CECR2: variants seen among roughly 807,000 people sequenced by gnomAD.
The protein encoded by CECR2 is CECR2 histone acetyl-lysine reader.
A neutral mutation model predicts 154.5 loss-of-function variants in CECR2; 30 were observed. The ratio of observed to expected loss-of-function variants is 0.19; its 90% CI spans 0.15 to 0.26. The LOEUF is 0.26. CECR2 is among the 10% of genes least tolerant of loss of function. The probability of loss-of-function intolerance (pLI) is 1.00; values close to 1 mark genes in which losing one functional copy is unlikely to be tolerated. For synonymous variants in CECR2, 725 were observed against 683.7 expected (o/e 1.06, Z -0.94); for missense variants, 1,743 against 1,829.3 (o/e 0.95, Z 0.86).
intron 1 of CECR2, among the ~76,000 whole-genome samples, chr22:17,428,826 G>GTGTGTGTGTGTGTATATATA (rs369291932): frequency 1.3e-5 from 2 of 150,594 alleles, no homozygotes; most frequent in African/African-American, 4.9e-5. Context: ...GTGTGTGTGT[G>GTGTGTGTGTGTGTATATATA]TATATAAAGG....
At chr22:17,418,107 A>G (rs188272434) in intron 1 of CECR2, among the ~76,000 whole-genome samples, 1 of 152,238 alleles carries the variant, frequency 6.6e-6, no homozygotes, top group Admixed American at 6.5e-5. Context: ...CACCCCCCAA[A>G]AAATATAAAT....
intron 7 of CECR2, among the ~76,000 whole-genome samples, chr22:17,505,505 A>AT: frequency 7.2e-6 from 1 of 139,236 alleles, no homozygotes; most frequent in Admixed American, 7.4e-5. Context: ...TACTTCATGC[A>AT]TTTTCAAACA....
chr22:17,526,810 A>C (rs2056273262), intron 9 of CECR2, among the ~76,000 whole-genome samples: 1 of 106,824 alleles, frequency 9.4e-6, no homozygotes, highest in African/African-American at 2.9e-5. Flanking sequence ...CTCCATCTCA[A>C]AAAAAAAAAA....
Position 17,500,735 on chromosome 22 carries a change from G to T in CECR2, c.650G>T (p.Ser217Ile). 1 of 1,542,998 alleles carries T rather than the reference G, an allele frequency of 6.5e-7. No individual in the cohort carries two copies. Among genetic ancestry groups the T allele is most frequent in the Non-Finnish European group, 8.8e-7 (1 of 1,141,910 alleles). Residue 217 changes from serine to isoleucine, a missense_variant and splice_region_variant, in exon 5 of 19, where the codon AGT becomes ATT. Physicochemically the swap from Ser to Ile is moderately radical, Grantham distance 142. Coordinates refer to ENST00000262608, the MANE Select transcript of CECR2 (RefSeq NM_001290047.2). Reference protein sequence around the residue: ...RKKLQEEILLSEKQEENSLAS... With the variant: ...RKKLQEEILLIEKQEENSLAS... ...AAACTGCAGGAGGAGATTCTGTTGA[G>T]GTAAGAAAATCTTGTTAGTTGTGGT...
chr22:17,524,148 CAA>C lies in CECR2; in HGVS notation c.988_989del (p.Lys330AlafsTer81). On this transcript the variant is annotated frameshift_variant, in exon 9 of 19. Transcript: ENST00000262608. LOFTEE classifies it high-confidence loss of function. The part of the protein sequence containing the change: ...ETPVLTRIEK[Q>X]KRKEEEEERQ... The stretch of plus-strand genomic sequence containing the variant: ...TCCTGTGCTGACCAGAATAGAAAAA[CAA>C]AAGCGCAAAGAGGAGGAAGAAGAGC... 1 of 1,599,428 alleles carries C rather than the reference CAA, an allele frequency of 6.3e-7. No individual in the cohort carries two copies. The highest frequency in any genetic ancestry group is 8.5e-7 in the Non-Finnish European group (1 of 1,173,072).
At position 17,548,155 on chromosome 22, in the gene CECR2, G is replaced by A. The variant is rs975989657; in HGVS notation, c.2868G>A (p.Pro956=). The part of the protein sequence containing the change: ...AQEPENDQAE[P]LPGLEEKPPG... ...TTTTTTTTTTTTTTGCAGCAGAGCC[G>A]TTGCCTGGCCTTGAAGAGAAACCAC... The change falls in exon 17 of 19, where the codon CCG becomes CCA. Residue 956 remains proline, a synonymous_variant. Transcript: ENST00000262608. The A allele has an allele frequency of 2.1e-5, 32 of 1,505,112 alleles. No individual in the cohort carries two copies. Among genetic ancestry groups the A allele is most frequent in the South Asian group, 1.9e-4 (15 of 77,822 alleles). 93.2% of individuals were successfully genotyped at this position (1,505,112 alleles called of 1,614,324 possible).
intron 1 of CECR2, among the ~76,000 whole-genome samples, chr22:17,427,663 C>T (rs1266691044): frequency 6.6e-6 from 1 of 152,108 alleles, no homozygotes; most frequent in African/African-American, 2.4e-5. Flanking sequence ...AAGAACAAAG[C>T]TTCCACAGTG....
intron 13 of CECR2, among the ~76,000 whole-genome samples, chr22:17,539,594 A>G (rs1490424052): frequency 6.6e-6 from 1 of 152,152 alleles, no homozygotes; most frequent in Non-Finnish European, 1.5e-5. Flanking sequence ...GCAGCACACC[A>G]GCATGGCACA....
At chr22:17,460,625 T>G (rs1302168911) in intron 1 of CECR2, among the ~76,000 whole-genome samples, 1 of 152,164 alleles carries the variant, frequency 6.6e-6, no homozygotes, top group Non-Finnish European at 1.5e-5. Context: ...AGTTTTCTCT[T>G]CCCCTCTCAT....
intron 1 of CECR2, among the ~76,000 whole-genome samples, chr22:17,462,481 G>A (rs926548870): frequency 5.9e-5 from 9 of 152,170 alleles, no homozygotes; most frequent in African/African-American, 1.9e-4. Flanking sequence ...GATGAATTGC[G>A]AGGAGTCTTT....
At chr22:17,423,077 C>T (rs928960043) in intron 1 of CECR2, among the ~76,000 whole-genome samples, 1 of 152,064 alleles carries the variant, frequency 6.6e-6, no homozygotes, top group African/African-American at 2.4e-5. Flanking sequence ...GTGTGCCTTG[C>T]AGTTTTTCTT....
intron 7 of CECR2, among the ~76,000 whole-genome samples, chr22:17,511,422 G>A (rs528768415): frequency 7.2e-5 from 11 of 152,116 alleles, no homozygotes; most frequent in East Asian, 1.9e-4. Flanking sequence ...TTTGCCCGGC[G>A]GCCCACCTCC....
chr22:17,408,881 G>A (rs1267848204), intron 1 of CECR2, among the ~76,000 whole-genome samples: 1 of 152,148 alleles, frequency 6.6e-6, no homozygotes, highest in Non-Finnish European at 1.5e-5. Context: ...CCTTACCATT[G>A]CTTAGTGGGG....
intron 9 of CECR2, among the ~76,000 whole-genome samples, chr22:17,531,490 C>G (rs1330451720): frequency 6.6e-6 from 1 of 152,172 alleles, no homozygotes; most frequent in Non-Finnish European, 1.5e-5. Context: ...GTGCAGGATC[C>G]CAGCCCCATT....
At chr22:17,411,669 T>G (rs751001746) in intron 1 of CECR2, among the ~76,000 whole-genome samples, 34 of 152,324 alleles carry the variant, frequency 2.2e-4, no homozygotes, top group Non-Finnish European at 3.4e-4. Flanking sequence ...TGTTTTTTAT[T>G]AAAATATCTT....
chr22:17,382,605 T>C (rs2063211536), intron 1 of CECR2, among the ~76,000 whole-genome samples: 2 of 152,190 alleles, frequency 1.3e-5, no homozygotes, highest in African/African-American at 2.4e-5. Context: ...GTATATACCT[T>C]AATTAAAAAA....
intron 5 of CECR2, 84 bp downstream of exon 5, chr22:17,500,819 T>C: frequency 9.9e-7 from 1 of 1,008,952 alleles, no homozygotes; most frequent in Non-Finnish European, 1.5e-6. Context: ...ATTTTGCCTG[T>C]GCCATGGGAA....
At chr22:17,390,670 G>A (rs1429821420) in intron 1 of CECR2, among the ~76,000 whole-genome samples, 1 of 151,980 alleles carries the variant, frequency 6.6e-6, no homozygotes, top group African/African-American at 2.4e-5. Flanking sequence ...ACAGGTCTTG[G>A]TCTGTTGCCG....
intron 1 of CECR2, among the ~76,000 whole-genome samples, chr22:17,451,826 C>A (rs2054775950): frequency 6.6e-6 from 1 of 152,106 alleles, no homozygotes; most frequent in Admixed American, 6.6e-5. Context: ...ATATGAACTC[C>A]ATGGCATTCC....
Sources: gnomAD v4.1 joint callset for allele counts (sites outside exome capture counted in the v4.1 genomes callset) on GRCh38, gnomAD v4.1.1 for gene constraint, MANE v1.5 for transcripts, NCBI Gene and HGNC (gene_info 2026-07-23, HGNC 2026-07-21) for gene names.